The following EEIG2 variants were observed in gnomAD, a reference collection of about 807,000 sequenced individuals.
EEIG2 encodes family with sequence similarity 102 member B.
chr1:108,594,229 G>A, the EEIG2 span, among the ~76,000 whole-genome samples: 5 of 152,104 alleles, frequency 3.3e-5, no homozygotes, highest in African/African-American at 9.7e-5. Context: ...AAGGAGACAG[G>A]AGCAAGAAAC....
chr1:108,602,224 C>CTTTTGCTTT, the EEIG2 span, among the ~76,000 whole-genome samples: 1 of 152,066 alleles, frequency 6.6e-6, no homozygotes, highest in Non-Finnish European at 1.5e-5. Context: ...CAAAAAAGCC[C>CTTTTGCTTT]CTGTACTAGT....
the EEIG2 span, among the ~76,000 whole-genome samples, chr1:108,621,571 G>A: frequency 6.6e-6 from 1 of 152,168 alleles, no homozygotes; most frequent in East Asian, 1.9e-4. Context: ...CTGGAAGGGA[G>A]AATGGAGCCA....
At chr1:108,625,581 G>C in the EEIG2 span, 3 of 151,946 alleles carry the variant, frequency 2.0e-5, no homozygotes, top group Non-Finnish European at 2.9e-5. Flanking sequence ...CATTCCATTA[G>C]CTCCTTCTCT....
the EEIG2 span, chr1:108,612,357 T>G: frequency 4.6e-6 from 5 of 1,087,392 alleles, no homozygotes; most frequent in Non-Finnish European, 6.9e-6. Context: ...TAAGCGTATG[T>G]ATATATTGTC....
At chr1:108,570,184 G>A in the EEIG2 span, among the ~76,000 whole-genome samples, 1 of 152,338 alleles carries the variant, frequency 6.6e-6, no homozygotes, top group Admixed American at 6.5e-5. Context: ...TGTCATGGAA[G>A]AGAATTCCTT....
the EEIG2 span, among the ~76,000 whole-genome samples, chr1:108,631,299 T>C: frequency 2.0e-5 from 3 of 152,242 alleles, no homozygotes; most frequent in South Asian, 2.1e-4. Context: ...TAAAGTTTCA[T>C]TGGAACACAA....
the EEIG2 span, chr1:108,616,452 AT>A: frequency 6.9e-7 from 1 of 1,445,764 alleles, no homozygotes; most frequent in Non-Finnish European, 9.7e-7. Context: ...CAATAAATGG[AT>A]TATGTATCTA....
At chr1:108,572,383 G>A in the EEIG2 span, among the ~76,000 whole-genome samples, 1 of 151,844 alleles carries the variant, frequency 6.6e-6, no homozygotes, top group Non-Finnish European at 1.5e-5. Flanking sequence ...CCACACGGTC[G>A]TACATTTTTG....
chr1:108,584,800 A>G, the EEIG2 span, among the ~76,000 whole-genome samples: 1 of 152,282 alleles, frequency 6.6e-6, no homozygotes, highest in East Asian at 1.9e-4. Context: ...AATGACTTAC[A>G]GGAAGTGTAC....
chr1:108,576,796 A>C, the EEIG2 span, among the ~76,000 whole-genome samples: 7 of 150,812 alleles, frequency 4.6e-5, no homozygotes, highest in Non-Finnish European at 7.4e-5. Context: ...ATTTATAGTC[A>C]TTTGGGTATA....
chr1:108,565,874 A>G, the EEIG2 span, among the ~76,000 whole-genome samples: 5 of 152,210 alleles, frequency 3.3e-5, no homozygotes, highest in Non-Finnish European at 5.9e-5. Flanking sequence ...ACAGATTCAT[A>G]TGGACAACTT....
At chr1:108,623,528 T>A in the EEIG2 span, among the ~76,000 whole-genome samples, 1 of 152,034 alleles carries the variant, frequency 6.6e-6, no homozygotes. Flanking sequence ...AGAGTATAAT[T>A]GGACTGTTTT....
At chr1:108,624,751 A>G in the EEIG2 span, 1 of 1,611,246 alleles carries the variant, frequency 6.2e-7, no homozygotes, top group African/African-American at 1.3e-5. Context: ...AATAGCAGGT[A>G]TGGATGTGTG....
chr1:108,629,076 G>A, the EEIG2 span, among the ~76,000 whole-genome samples: 65 of 152,284 alleles, frequency 4.3e-4, no homozygotes, highest in South Asian at 8.3e-4. Context: ...TGTCTACAGC[G>A]TTCGTATACC....
the EEIG2 span, among the ~76,000 whole-genome samples, chr1:108,593,859 G>A: frequency 6.6e-6 from 1 of 152,130 alleles, no homozygotes; most frequent in Non-Finnish European, 1.5e-5. Context: ...AGGCTAGTGT[G>A]CAGTGGCGCA....
the EEIG2 span, among the ~76,000 whole-genome samples, chr1:108,569,588 G>A: frequency 6.6e-6 from 1 of 152,156 alleles, no homozygotes; most frequent in East Asian, 1.9e-4. Flanking sequence ...CGCCTAAACT[G>A]CTGGGATTAC....
the EEIG2 span, among the ~76,000 whole-genome samples, chr1:108,589,102 C>T: frequency 6.6e-6 from 1 of 152,060 alleles, no homozygotes; most frequent in African/African-American, 2.4e-5. Flanking sequence ...TTTTTATCTC[C>T]TCATGATGGA....
At chr1:108,591,796 C>G in the EEIG2 span, among the ~76,000 whole-genome samples, 1 of 151,754 alleles carries the variant, frequency 6.6e-6, no homozygotes, top group African/African-American at 2.4e-5. Flanking sequence ...AAACTAGATG[C>G]GTTAGAATTA....
the EEIG2 span, among the ~76,000 whole-genome samples, chr1:108,579,987 G>A: frequency 6.6e-6 from 1 of 151,974 alleles, no homozygotes; most frequent in Admixed American, 6.6e-5. Context: ...CTGGTCTCGA[G>A]CACTTGGCCT....
Sources: allele counts gnomAD v4.1 joint callset (sites outside exome capture counted in the v4.1 genomes callset), GRCh38; gene constraint gnomAD v4.1.1; transcripts MANE v1.5; gene names NCBI Gene and HGNC (gene_info 2026-07-23, HGNC 2026-07-21).